Variants in CEP89 observed in about 807,000 individuals in gnomAD.
The protein encoded by CEP89 is centrosomal protein of 89 kDa.
Under a neutral mutation model 97.6 loss-of-function variants are expected in CEP89, and 95 were observed. The ratio of observed to expected loss-of-function variants is 0.97; its 90% CI spans 0.82 to 1.15. CEP89 has a LOEUF of 1.15. Among genes scored for constraint, CEP89 ranks in the 50% most tolerant of loss-of-function variants. CEP89 has a pLI of 0.00. For missense variants in CEP89, 869 were observed against 947.7 expected, an observed-to-expected ratio of 0.92 and a Z score of 1.09; for synonymous variants, 354 against 349.1, an observed-to-expected ratio of 1.01 and a Z score of -0.16.
chr19:32,942,201 G>T (rs1449189251), intron 5 of CEP89, among the ~76,000 whole-genome samples: 1 of 152,120 alleles, frequency 6.6e-6, no homozygotes, highest in Non-Finnish European at 1.5e-5. Flanking sequence ...GGGCAACAGA[G>T]CAAAACCCCG....
chr19:32,926,538 G>A (rs544854385), intron 10 of CEP89, among the ~76,000 whole-genome samples: 24 of 152,066 alleles, frequency 1.6e-4, no homozygotes, highest in Non-Finnish European at 2.6e-4. Flanking sequence ...TACAACACCC[G>A]CACAGGCTTG....
Position 32,881,921 on chromosome 19 carries a change from G to A in CEP89, c.2058C>T (p.Tyr686=), listed in dbSNP as rs200051100. ...QEDFAGKTAQ[Y]RQEMRHLHQV... ...GGTGCAGGTGCCGCATCTCCTGCCGGTACTGGGCTGTCTTGCCGGCGAAGT... is the reference window on the plus strand; with the variant it reads ...GGTGCAGGTGCCGCATCTCCTGCCGATACTGGGCTGTCTTGCCGGCGAAGT... The change falls in exon 18 of 19, where the codon TAC becomes TAT. Residue 686 remains tyrosine, a synonymous_variant. Coordinates refer to ENST00000305768, the MANE Select transcript of CEP89 (RefSeq NM_032816.5). 6.2e-7 allele frequency: 1 copy of A among 1,604,792 alleles called. No homozygotes were observed. The highest frequency in any genetic ancestry group is 8.5e-7 in the Non-Finnish European group (1 of 1,177,046).
chr19:32,905,797 C>T (rs746938325), intron 14 of CEP89, among the ~76,000 whole-genome samples: 8 of 152,104 alleles, frequency 5.3e-5, no homozygotes, highest in Non-Finnish European at 7.4e-5. Flanking sequence ...CTGCTCAGTG[C>T]AGCTTCAAAC....
rs565873018 is a variant in CEP89 at position 32,924,534 on chromosome 19, G to T, written c.1165-992C>A. 7.1e-4 allele frequency among the ~76,000 whole-genome samples: 108 copies of T among 152,228 alleles called. 1 individual carries two copies. In the South Asian group the frequency reaches 0.022, roughly 31 times the overall value. Reference sequence around the variant, plus strand: ...CGCTGTCCTTTGGTGAGAATCTGAGGTGCCAATATTTACTCTGGTGTGCCT... The same window carrying T: ...CGCTGTCCTTTGGTGAGAATCTGAGTTGCCAATATTTACTCTGGTGTGCCT... On this transcript the variant is annotated intron_variant, in intron 11 of 18. Transcript: ENST00000305768.
rs763730185 is a variant in CEP89, at chr19:32,887,844, A to T, written c.1876-3T>A. 1.3e-6 allele frequency: 2 copies of T among 1,567,318 alleles called. No homozygotes were observed. Among genetic ancestry groups the T allele is most frequent in the Non-Finnish European group, 1.7e-6 (2 of 1,144,060 alleles). On this transcript the variant is annotated splice_polypyrimidine_tract_variant and splice_region_variant and intron_variant, in intron 16 of 18. Transcript: ENST00000305768. ...TTCTCACTTTCTAAACATTTTGCCT[A>T]GGGAGAAGGGTGATAAATGGGCTCT...
At chr19:32,889,963 G>A (rs755988950) in intron 16 of CEP89, among the ~76,000 whole-genome samples, 7 of 152,064 alleles carry the variant, frequency 4.6e-5, no homozygotes, top group South Asian at 2.1e-4. Context: ...GAGGGGCAGC[G>A]CTGGGCCAGA....
At chr19:32,934,491 G>T (rs939104527) in intron 7 of CEP89, among the ~76,000 whole-genome samples, 1 of 152,192 alleles carries the variant, frequency 6.6e-6, no homozygotes, top group South Asian at 2.1e-4. Context: ...CCTGGCCAGC[G>T]CACCTCCCAG....
chr19:32,892,532 C>G (rs1388667048), intron 16 of CEP89, among the ~76,000 whole-genome samples: 1 of 151,904 alleles, frequency 6.6e-6, no homozygotes, highest in African/African-American at 2.4e-5. Flanking sequence ...TCTTGAACTC[C>G]TGACCTCAGA....
In CEP89 at chr19:32,953,778, C is replaced by A; in HGVS notation, c.329G>T (p.Gly110Val). 1.2e-6 allele frequency: 2 copies of A among 1,613,830 alleles called. No individual in the cohort carries two copies. The highest frequency in any genetic ancestry group is 1.7e-6 in the Non-Finnish European group (2 of 1,179,836). The change falls in exon 4 of 19, where the codon GGA becomes GTA. Residue 110 changes from glycine (G) to valine (V), a missense_variant. By Grantham distance (109) the Gly-to-Val change is moderately radical. Transcript: ENST00000305768. ...AAAGGATGGCAAAGAAGATCTTCTT[C>A]CCATCTCACTCTGCCAATTTGGCCT... ...RPRPNWQSEM[G>V]RRSSLPSFET...
At chr19:32,907,286 G>A (rs1402445084) in intron 14 of CEP89, among the ~76,000 whole-genome samples, 1 of 152,138 alleles carries the variant, frequency 6.6e-6, no homozygotes, top group Admixed American at 6.6e-5. Context: ...GCTTGAGCCT[G>A]GAGTTCAAGG....
At position 32,901,332 on chromosome 19, in the gene CEP89, T is replaced by C; in HGVS notation, c.1646A>G (p.Lys549Arg). Reference protein sequence around the residue: ...MEKLTVLQAQKKSLLLEKNSL... With the variant: ...MEKLTVLQAQRKSLLLEKNSL... The stretch of plus-strand genomic sequence containing the variant: ...GTTCTTCTCTAACAGCAGGCTCTTC[T>C]TCTGCGCTTGCAGGACTGTCAGCTT... The change falls in exon 15 of 19, where the codon AAG becomes AGG. Residue 549 changes from lysine to arginine, a missense_variant. By Grantham distance (26) the Lys-to-Arg change is conservative. Coordinates refer to ENST00000305768, the MANE Select transcript of CEP89 (RefSeq NM_032816.5). 6.2e-7 allele frequency: 1 copy of C among 1,614,236 alleles called. No homozygotes were observed. Among genetic ancestry groups the C allele is most frequent in the Non-Finnish European group, 8.5e-7 (1 of 1,180,038 alleles).
intron 5 of CEP89, 147 bp downstream of exon 5, chr19:32,948,119 T>C: frequency 1.1e-5 from 6 of 544,312 alleles, no homozygotes; most frequent in Non-Finnish European, 1.6e-5. Context: ...TCATTTTCAA[T>C]AAAAAATAAA....
At chr19:32,956,985 A>G (rs61461431) in intron 3 of CEP89, among the ~76,000 whole-genome samples, 1 of 152,182 alleles carries the variant, frequency 6.6e-6, no homozygotes, top group Non-Finnish European at 1.5e-5. Context: ...CTGATTTCTA[A>G]TACTGCTAAT....
intron 4 of CEP89, among the ~76,000 whole-genome samples, chr19:32,952,329 A>AG (rs1418046290): frequency 1.3e-5 from 2 of 151,150 alleles, no homozygotes; most frequent in Non-Finnish European, 3.0e-5. Context: ...GAAAAAAAAA[A>AG]AAAAAGCCAG....
Position 32,926,250 on chromosome 19 carries a change from T to A in CEP89, c.1104A>T (p.Pro368=), listed in dbSNP as rs757454003. The change falls in exon 11 of 19, where the codon CCA becomes CCT. Residue 368 remains proline (P), a synonymous_variant. Coordinates refer to ENST00000305768, the MANE Select transcript of CEP89 (RefSeq NM_032816.5). ...TCATATCTTCATAAGCCAGCAACAA[T>A]GGTGACAGGTACTTTATATCCAACT... is the stretch of plus-strand genomic sequence containing the variant. ...PWLLDIKYLS[P]LLLAYEDMMK... 6.2e-7 allele frequency: 1 copy of A among 1,612,932 alleles called. No individual in the cohort carries two copies. Among genetic ancestry groups the A allele is most frequent in the African/African-American group, 1.3e-5 (1 of 74,994 alleles).
chr19:32,890,917 C>T (rs577042839), intron 16 of CEP89, among the ~76,000 whole-genome samples: 52 of 152,268 alleles, frequency 3.4e-4, no homozygotes, highest in African/African-American at 1.2e-3. Context: ...GACCCAGCAG[C>T]CCCTGCATCT....
intron 3 of CEP89, among the ~76,000 whole-genome samples, chr19:32,959,543 C>T (rs927902403): frequency 6.6e-6 from 1 of 152,184 alleles, no homozygotes; most frequent in African/African-American, 2.4e-5. Flanking sequence ...GGACCACTCT[C>T]ACTGTTCAGG....
At chr19:32,912,736 T>G (rs1970027353) in intron 14 of CEP89, among the ~76,000 whole-genome samples, 1 of 152,112 alleles carries the variant, frequency 6.6e-6, no homozygotes, top group African/African-American at 2.4e-5. Flanking sequence ...TACACACATA[T>G]AATTTTATAA....
rs770304147 is a variant in CEP89, at chr19:32,899,841, C to T, written c.1875+16G>A. ...TTAACTCGCAGTTTACTTGATGTAA[C>T]CTTCAGGAAACTTACCAAACACATA... is the stretch of plus-strand genomic sequence containing the variant. On this transcript the variant is annotated intron_variant, in intron 16 of 18. Coordinates refer to ENST00000305768, the MANE Select transcript of CEP89 (RefSeq NM_032816.5). 18 of 1,602,890 alleles carry T rather than the reference C, an allele frequency of 1.1e-5. No individual in the cohort carries two copies. In the South Asian group the frequency reaches 2.0e-4, roughly 18 times the overall value.
Sources: allele counts gnomAD v4.1 joint callset (sites outside exome capture counted in the v4.1 genomes callset), GRCh38; gene constraint gnomAD v4.1.1; transcripts MANE v1.5; gene names NCBI Gene and HGNC (gene_info 2026-07-23, HGNC 2026-07-21).